The following ZNF512B variants were observed in gnomAD, a reference collection of about 807,000 sequenced individuals.
ZNF512B encodes zinc finger protein 512B.
A neutral mutation model predicts 87.8 loss-of-function variants in ZNF512B; 22 were observed. The observed-to-expected ratio is 0.25, with a 90% CI of 0.18 to 0.36. ZNF512B has a LOEUF of 0.36. Among genes scored for constraint, ZNF512B ranks in the 10% least tolerant of loss-of-function variants. ZNF512B has a pLI of 1.00. For synonymous variants in ZNF512B, 524 were observed against 490.9 expected (o/e 1.07, Z -0.89); for missense variants, 1,060 against 1,231.6 (o/e 0.86, Z 2.09).
In ZNF512B at chr20:63,961,313, G is replaced by C. The variant is rs750306681; in HGVS notation, c.2423C>G (p.Ala808Gly). The change falls in exon 16 of 17, where the codon GCA becomes GGA. Residue 808 changes from alanine (A) to glycine (G), a missense_variant. Physicochemically the swap from Ala to Gly is moderately conservative, Grantham distance 60. Coordinates refer to ENST00000369888, the MANE Select transcript of ZNF512B (RefSeq NM_020713.3). The surrounding 1 kb of genome is among the most constrained non-coding windows in gnomAD (Gnocchi z 6.4). ...CCCTGGTGATGGCCCTCGCACCTCTGCGTGGGTCTTCAGGATGTGGTATTT... is the reference window on the plus strand; with the variant it reads ...CCCTGGTGATGGCCCTCGCACCTCTCCGTGGGTCTTCAGGATGTGGTATTT... ...GVKYHILKTH[A>G]ENWFRTSADP... 3.1e-6 allele frequency: 5 copies of C among 1,612,094 alleles called. No individual in the cohort carries two copies. The African/African-American group carries it at 5.3e-5, about 17-fold the overall frequency.
At chr20:63,962,456 C>T (rs746386580) in intron 13 of ZNF512B, 82 bp from the exon 14 acceptor site, 60 of 1,551,230 alleles carry the variant, frequency 3.9e-5, no homozygotes, top group Non-Finnish European at 4.9e-5. Context: ...CGGCAGCAGG[C>T]GACACTCGCC....
chr20:63,961,477 G>T lies in ZNF512B; in HGVS notation c.2329-70C>A. ...AGATCTGTCCTAAGCCCCTACTCAT[G>T]GCTAAAGGGTCAGAGTCAGCGGTGG... On this transcript the variant is annotated intron_variant, in intron 15 of 16. Transcript: ENST00000369888. This position sits in a 1 kb window ranked among gnomAD's most constrained non-coding sequence, Gnocchi z 6.4. 6.9e-7 allele frequency: 1 copy of T among 1,444,796 alleles called. No homozygotes were observed. The highest frequency in any genetic ancestry group is 9.6e-7 in the Non-Finnish European group (1 of 1,038,414). The allele number at this position is 1,444,796 out of a possible 1,614,324, so 89.5% of individuals were successfully genotyped here.
rs1364761174 is a variant in ZNF512B, at chr20:63,964,652, A to G, written c.1099T>C (p.Tyr367His). The change falls in exon 6 of 17, where the codon TAC becomes CAC. Residue 367 changes from tyrosine to histidine, a missense_variant. Around this residue, in one of 9 missense-constraint regions of ZNF512B, gnomAD observed 212 missense variants for 207.6 expected, o/e 1.02. Transcript: ENST00000369888. ...PKQARPENGE[Y>H]GPSSMGQSSA... is the part of the protein sequence containing the mutation. ...CTCTGGCCCATGGAGGAGGGGCCGTACTCCCCATTCTCTGGCCTGGCCTGC... is the reference window on the plus strand; with the variant it reads ...CTCTGGCCCATGGAGGAGGGGCCGTGCTCCCCATTCTCTGGCCTGGCCTGC... 4 of 1,612,028 alleles carry G rather than the reference A, an allele frequency of 2.5e-6. No homozygotes were observed. Among genetic ancestry groups the G allele is most frequent in the Non-Finnish European group, 3.4e-6 (4 of 1,179,916 alleles).
chr20:63,963,532 C>T (rs933342992), intron 10 of ZNF512B, 86 bp downstream of exon 10: 7 of 1,593,400 alleles, frequency 4.4e-6, no homozygotes, highest in South Asian at 2.2e-5. Flanking sequence ...CACCGTTGTC[C>T]GAGGTTAGAA....
chr20:63,963,876 C>G lies in ZNF512B; in HGVS notation c.1518G>C (p.Glu506Asp), dbSNP rs920512882. 3.7e-6 allele frequency: 6 copies of G among 1,612,174 alleles called. No individual in the cohort carries two copies. The highest frequency in any genetic ancestry group is 3.3e-4 in the Middle Eastern group (2 of 6,084). ...AGGTGGGGCAGACGGCTTCCCCGCG[C>G]TCATGGATGGCCCTCTGCCACTGCT... is the stretch of plus-strand genomic sequence containing the variant. ...PEEQWQRAIH[E>D]RGEAVCPTCN... Residue 506 changes from glutamate (E) to aspartate (D), a missense_variant, in exon 9 of 17, where the codon GAG (glutamate) becomes GAC (aspartate). Around this residue, in one of 9 missense-constraint regions of ZNF512B, gnomAD observed 212 missense variants for 207.6 expected, o/e 1.02. Transcript: ENST00000369888.
chr20:63,962,031 G>C lies in ZNF512B; in HGVS notation c.2266-27C>G, dbSNP rs1227922738. On this transcript the variant is annotated intron_variant, in intron 14 of 16. Coordinates refer to ENST00000369888, the MANE Select transcript of ZNF512B (RefSeq NM_020713.3). Reference sequence around the variant, plus strand: ...TGCAGGGAAGGGAGCCGTGGGCGAAGGCCTCTGGTGGGCACCCCACACCAA... The same window carrying C: ...TGCAGGGAAGGGAGCCGTGGGCGAACGCCTCTGGTGGGCACCCCACACCAA... 1.9e-6 allele frequency: 3 copies of C among 1,549,910 alleles called. No homozygotes were observed. In the Admixed American group the frequency reaches 5.9e-5, roughly 30 times the overall value.
rs1313538803 is a variant in ZNF512B at position 63,966,884 on chromosome 20, A to G, written c.385T>C (p.Cys129Arg). The change falls in exon 4 of 17, where the codon TGC becomes CGC. Residue 129 changes from cysteine (C) to arginine (R), a missense_variant. Cys to Arg is a radical substitution (Grantham distance 180, BLOSUM62 -3). Coordinates refer to ENST00000369888, the MANE Select transcript of ZNF512B (RefSeq NM_020713.3). ...IYGLKYHYQR[C>R]QGGAISDRLA... ...GACCCACAGTCCCTTACCCCTTGGC[A>G]CCGCTGGTAATGGTACTTGAGCCCG... The G allele has an allele frequency of 6.2e-7, 1 of 1,613,764 alleles. No individual in the cohort carries two copies. The highest frequency in any genetic ancestry group is 1.1e-5 in the South Asian group (1 of 91,080).
At position 63,962,596 on chromosome 20, in the gene ZNF512B, C is replaced by A; in HGVS notation, c.2154G>T (p.Glu718Asp). 1.9e-6 allele frequency: 3 copies of A among 1,605,780 alleles called. No individual in the cohort carries two copies. The highest frequency in any genetic ancestry group is 2.5e-6 in the Non-Finnish European group (3 of 1,178,794). The change falls in exon 13 of 17, where the codon GAG becomes GAT. Residue 718 changes from glutamate to aspartate, a missense_variant. Glu to Asp is a conservative substitution (Grantham distance 45). Transcript: ENST00000369888. ...GGGGGGGGCAGCTCACCCGTGCGGT[C>A]TCGGGCACAAGGTCATCCTTCATGC... ...KRRMKDDLVPETARLNYTRPG... is the reference protein window; with the variant it reads ...KRRMKDDLVPDTARLNYTRPG...
At chr20:63,962,447 G>T in intron 13 of ZNF512B, 73 bp from the exon 14 acceptor site, 1 of 1,552,032 alleles carries the variant, frequency 6.4e-7, no homozygotes. Flanking sequence ...CACTCGCCTC[G>T]GCAGCAGGCG....
chr20:63,962,401 G>GCCTGAGGCCAGAAC (rs1482035999), intron 13 of ZNF512B, 27 bp from the exon 14 acceptor site: 1 of 1,599,184 alleles, frequency 6.3e-7, no homozygotes, highest in African/African-American at 1.3e-5. Flanking sequence ...ACCAGGGTGA[G>GCCTGAGGCCAGAAC]CCTGAGGCCA....
rs1021625285 is a variant in ZNF512B, at chr20:63,962,742, C to T, written c.2008G>A (p.Asp670Asn). 2 of 1,603,466 alleles carry T rather than the reference C, an allele frequency of 1.2e-6. No individual in the cohort carries two copies. Among genetic ancestry groups the T allele is most frequent in the African/African-American group, 2.7e-5 (2 of 74,842 alleles). ...EPTDKSPEAE[D>N]PLGVERTPSG... ...GGGGTCCGCTCCACACCCAGCGGGT[C>T]CTCAGCCTCAGGGGACTTGTCTGTG... Residue 670 changes from aspartate to asparagine, a missense_variant, in exon 13 of 17, where the codon GAC becomes AAC. Physicochemically the swap from Asp to Asn is conservative, Grantham distance 23. Around this residue, in one of 9 missense-constraint regions of ZNF512B, gnomAD observed 165 missense variants for 173.0 expected, o/e 0.95. Coordinates refer to ENST00000369888, the MANE Select transcript of ZNF512B (RefSeq NM_020713.3).
chr20:63,968,680 G>A (rs1457489319), intron 1 of ZNF512B, among the ~76,000 whole-genome samples: 1 of 152,200 alleles, frequency 6.6e-6, no homozygotes, highest in Non-Finnish European at 1.5e-5. Context: ...TCCAGGCTTG[G>A]CAGGCTGACC....
At position 63,966,777 on chromosome 20, in the gene ZNF512B, G is replaced by A. The variant is rs369526153; in HGVS notation, c.398C>T (p.Ala133Val). Residue 133 changes from alanine (A) to valine (V), a missense_variant, in exon 5 of 17, where the codon GCC becomes GTC. Ala to Val is a moderately conservative substitution (Grantham distance 64). Transcript: ENST00000369888. ...GGGGAAGGCCAGGCGATCTGAGATG[G>A]CACCCTGGGCAGGGAAGGGAAGGTT... The part of the protein sequence containing the change: ...KYHYQRCQGG[A>V]ISDRLAFPCP... 6 of 1,597,326 alleles carry A rather than the reference G, an allele frequency of 3.8e-6. No homozygotes were observed. Among genetic ancestry groups the A allele is most frequent in the Non-Finnish European group, 5.1e-6 (6 of 1,171,544 alleles).
chr20:63,968,859 A>C (rs1322765736), intron 1 of ZNF512B, among the ~76,000 whole-genome samples: 2 of 152,178 alleles, frequency 1.3e-5, no homozygotes, highest in Non-Finnish European at 2.9e-5. Flanking sequence ...GCTGCTGGGA[A>C]CCCCATCCTG....
rs200518817 is a variant in ZNF512B, at chr20:63,966,174, G to A, written c.1001C>T (p.Pro334Leu). The change falls in exon 5 of 17, where the codon CCT becomes CTT. Residue 334 changes from proline (P) to leucine (L), a missense_variant. By Grantham distance (98) the Pro-to-Leu change is moderately conservative. This residue lies in a region of ZNF512B where 12 missense variants were observed against 32.0 expected (regional missense o/e 0.38). Coordinates refer to ENST00000369888, the MANE Select transcript of ZNF512B (RefSeq NM_020713.3). ...ACCACTGTTCCTCCCTGTGGCACGA[G>A]GTGCTTTGTTCTCCGACCTGGTCAG... ...VLLTRSENKAPRATGRNSGKK... is the reference protein window; with the variant it reads ...VLLTRSENKALRATGRNSGKK... The A allele has an allele frequency of 2.2e-4, 354 of 1,613,590 alleles. 3 individuals carry two copies. In the South Asian group the frequency reaches 3.8e-3, roughly 17 times the overall value.
rs1306184547 is a variant in ZNF512B at position 63,964,796 on chromosome 20, C to G, written c.1035-80G>C. On this transcript the variant is annotated intron_variant, in intron 5 of 16. Transcript: ENST00000369888. ...CCCCCAGGCCGTGGCCGAGGAGCAC[C>G]CTGACCTGGAACGAGCCCCCATACC... 4 of 1,569,300 alleles carry G rather than the reference C, an allele frequency of 2.5e-6. No individual in the cohort carries two copies. The African/African-American group carries it at 5.4e-5, about 21-fold the overall frequency.
Position 63,962,879 on chromosome 20 carries a change from C to A in ZNF512B, c.1969-98G>T. On this transcript the variant is annotated intron_variant, in intron 12 of 16. Coordinates refer to ENST00000369888, the MANE Select transcript of ZNF512B (RefSeq NM_020713.3). The stretch of plus-strand genomic sequence containing the variant: ...ACCCTAAGGCCGGTGGACCCACAGG[C>A]CTCCCAGTGTGCTGGGGACATGGCT... 2.2e-6 allele frequency: 3 copies of A among 1,340,684 alleles called. 1 individual carries two copies. In the East Asian group the frequency reaches 7.5e-5, roughly 34 times the overall value. 83.0% of individuals were successfully genotyped at this position (1,340,684 alleles called of 1,614,324 possible). A position where few individuals can be genotyped will look rare whatever the true frequency, so the allele number is the denominator to read the frequency against.
chr20:63,964,474 G>A lies in ZNF512B; in HGVS notation c.1261+16C>T. 6.2e-7 allele frequency: 1 copy of A among 1,613,186 alleles called. No individual in the cohort carries two copies. Among genetic ancestry groups the A allele is most frequent in the Non-Finnish European group, 8.5e-7 (1 of 1,179,822 alleles). ...CGAGCCTGCCCCGGCCGCCACCCCTGGAGCTCTCATCTTACTGTGCTTTGT... is the reference window on the plus strand; with the variant it reads ...CGAGCCTGCCCCGGCCGCCACCCCTAGAGCTCTCATCTTACTGTGCTTTGT... On this transcript the variant is annotated intron_variant, in intron 6 of 16. Transcript: ENST00000369888.
chr20:63,969,550 G>A (rs981701425), intron 1 of ZNF512B, among the ~76,000 whole-genome samples: 1 of 149,592 alleles, frequency 6.7e-6, no homozygotes, highest in Non-Finnish European at 1.5e-5. Flanking sequence ...GGCGCGGGGC[G>A]CGGGCCTCGG....
Sources: gnomAD v4.1 joint callset for allele counts (sites outside exome capture counted in the v4.1 genomes callset) on GRCh38, gnomAD v4.1.1 for gene constraint, gnomAD v4.1.1 regional missense constraint, Gnocchi (gnomAD v3.1) non-coding constraint, MANE v1.5 for transcripts, NCBI Gene and HGNC (gene_info 2026-07-23, HGNC 2026-07-21) for gene names.